The following ZNF541 variants were observed in gnomAD, a reference collection of about 807,000 sequenced individuals.
ZNF541 encodes the protein zinc finger protein 541.
A neutral mutation model predicts 123.5 loss-of-function variants in ZNF541; 23 were observed. The observed-to-expected ratio is 0.19, with a 90% CI of 0.13 to 0.26. ZNF541 has a LOEUF of 0.26. Among genes scored for constraint, ZNF541 ranks in the 10% least tolerant of loss-of-function variants. The pLI is 1.00. For synonymous variants in ZNF541, 751 were observed against 754.5 expected (o/e 1.00, Z 0.08); for missense variants, 1,612 against 1,789.9 (o/e 0.90, Z 1.79).
At chr19:47,547,468 T>C (rs1970403893) in intron 4 of ZNF541, among the ~76,000 whole-genome samples, 1 of 152,174 alleles carries the variant, frequency 6.6e-6, no homozygotes, top group African/African-American at 2.4e-5. Flanking sequence ...TGGACAGTCC[T>C]AGTCGATGTG....
intron 2 of ZNF541, among the ~76,000 whole-genome samples, chr19:47,563,075 C>A (rs1241704313): frequency 6.6e-6 from 1 of 152,122 alleles, no homozygotes; most frequent in East Asian, 1.9e-4. Context: ...TGTAATAGAA[C>A]CTCTGCACCT....
chr19:47,540,956 A>T lies in ZNF541; in HGVS notation c.2404-5T>A. 1 of 1,550,538 alleles carries T rather than the reference A, an allele frequency of 6.4e-7. No individual in the cohort carries two copies. The highest frequency in any genetic ancestry group is 8.7e-7 in the Non-Finnish European group (1 of 1,146,580). ...GAGCCTGTAGATGTTTCCACCCTGA[A>T]GATGAAAATGCATCTGAACCAACAC... On this transcript the variant is annotated splice_polypyrimidine_tract_variant and splice_region_variant and intron_variant, in intron 5 of 16. Coordinates refer to ENST00000391901, the MANE Select transcript of ZNF541 (RefSeq NM_001277075.3).
chr19:47,544,189 G>C lies in ZNF541; in HGVS notation c.2340C>G (p.Phe780Leu). The C allele has an allele frequency of 6.4e-7, 1 of 1,551,794 alleles. No homozygotes were observed. The highest frequency in any genetic ancestry group is 8.7e-7 in the Non-Finnish European group (1 of 1,147,032). ...ASPSQVAMAS[F>L]SSAGPPADPS... is the part of the protein sequence containing the mutation. ...GATCTGCCGGGGGCCCGGCCGATGA[G>C]AAGGAGGCCATGGCTACCTGGCTCG... The change falls in exon 5 of 17, where the codon TTC (phenylalanine) becomes TTG (leucine). Residue 780 changes from phenylalanine to leucine, a missense_variant. Phe to Leu is a conservative substitution (Grantham distance 22, BLOSUM62 0). Coordinates refer to ENST00000391901, the MANE Select transcript of ZNF541 (RefSeq NM_001277075.3).
At position 47,520,977 on chromosome 19, in the gene ZNF541, A is replaced by G. The variant is rs892604037; in HGVS notation, c.*247T>C. ...CTGCTCTAGAAGTGGAAGGGAAAGAAGGGGAGAGACTATGAACCTAAGGAG... is the reference window on the plus strand; with the variant it reads ...CTGCTCTAGAAGTGGAAGGGAAAGAGGGGGAGAGACTATGAACCTAAGGAG... On this transcript the variant is annotated 3_prime_UTR_variant, in exon 17 of 17. Coordinates refer to ENST00000391901, the MANE Select transcript of ZNF541 (RefSeq NM_001277075.3). The G allele has an allele frequency of 2.7e-5, 13 of 485,304 alleles. No individual in the cohort carries two copies. The East Asian group carries it at 4.3e-4, about 16-fold the overall frequency. 30.1% of individuals were successfully genotyped at this position (485,304 alleles called of 1,614,324 possible). A position where few individuals can be genotyped will look rare whatever the true frequency, so the allele number is the denominator to read the frequency against.
At chr19:47,571,419 C>A (rs903899476) in intron 2 of ZNF541, among the ~76,000 whole-genome samples, 1 of 152,212 alleles carries the variant, frequency 6.6e-6, no homozygotes, top group African/African-American at 2.4e-5. Flanking sequence ...TTATTTAATT[C>A]TTAAATTATC....
rs1031189835 is a variant in ZNF541, at chr19:47,544,350, T to A, written c.2179A>T (p.Arg727Trp). Residue 727 changes from arginine to tryptophan, a missense_variant, in exon 5 of 17, where the codon AGG (arginine) becomes TGG (tryptophan). Around this residue, in one of 5 missense-constraint regions of ZNF541, gnomAD observed 1,080 missense variants for 1,013.8 expected, o/e 1.07. Transcript: ENST00000391901. Reference protein sequence around the residue: ...QAPAENGAASRITKGEKGPAC... With the variant: ...QAPAENGAASWITKGEKGPAC... The stretch of plus-strand genomic sequence containing the variant: ...GGGCCCTTTTCACCTTTTGTGATCC[T>A]TGAAGCCGCGCCATTCTCGGCTGGG... 1.9e-6 allele frequency: 3 copies of A among 1,551,654 alleles called. No homozygotes were observed. The highest frequency in any genetic ancestry group is 2.4e-5 in the South Asian group (2 of 84,066).
At position 47,545,953 on chromosome 19, in the gene ZNF541, C is replaced by G. The variant is rs1970339152; in HGVS notation, c.576G>C (p.Lys192Asn). 1 of 1,496,312 alleles carries G rather than the reference C, an allele frequency of 6.7e-7. No homozygotes were observed. The highest frequency in any genetic ancestry group is 9.0e-7 in the Non-Finnish European group (1 of 1,115,640). The allele number at this position is 1,496,312 out of a possible 1,614,324, so 92.7% of individuals were successfully genotyped here. ...HLTGHMLTHQ[K>N]TKPFVCIEQG... ...GCTCGATGCACACGAAGGGCTTTGTCTTCTGGTGGGTGAGCATGTGCCCGG... is the reference window on the plus strand; with the variant it reads ...GCTCGATGCACACGAAGGGCTTTGTGTTCTGGTGGGTGAGCATGTGCCCGG... Residue 192 changes from lysine to asparagine, a missense_variant, in exon 5 of 17, where the codon AAG (lysine) becomes AAC (asparagine). By Grantham distance (94) the Lys-to-Asn change is moderately conservative. Coordinates refer to ENST00000391901, the MANE Select transcript of ZNF541 (RefSeq NM_001277075.3). This position sits in a 1 kb window ranked among gnomAD's most constrained non-coding sequence, Gnocchi z 7.5.
At chr19:47,568,563 C>T (rs553676047) in intron 2 of ZNF541, among the ~76,000 whole-genome samples, 3 of 152,108 alleles carry the variant, frequency 2.0e-5, no homozygotes, top group Non-Finnish European at 2.9e-5. Context: ...AGGCTGGCCT[C>T]GACCTCCTGC....
At chr19:47,573,301 T>C (rs1317974058), upstream of ZNF541, among the ~76,000 whole-genome samples, 4 of 151,872 alleles carry the variant, frequency 2.6e-5, no homozygotes. Flanking sequence ...CGCTCTCGGC[T>C]GCTTCTCCGA....
chr19:47,531,039 C>A (rs893540353), intron 12 of ZNF541, among the ~76,000 whole-genome samples: 2 of 152,122 alleles, frequency 1.3e-5, no homozygotes, highest in African/African-American at 2.4e-5. Flanking sequence ...GTACAGGCAA[C>A]CAGCAGGTAC....
chr19:47,540,442 C>CTT (rs776309064), intron 6 of ZNF541, 107 bp from the exon 7 acceptor site: 1,896 of 943,332 alleles, frequency 2.0e-3, no homozygotes, highest in South Asian at 3.0e-3. Context: ...AATCCACTGA[C>CTT]TTTTTTTTTT....
At chr19:47,528,029 C>T (rs1181350746) in intron 14 of ZNF541, among the ~76,000 whole-genome samples, 1 of 129,884 alleles carries the variant, frequency 7.7e-6, no homozygotes, top group Non-Finnish European at 1.6e-5. Context: ...GAGACAGAGT[C>T]CTGGGCCGGG....
chr19:47,529,123 A>G, intron 13 of ZNF541, 85 bp from the exon 14 acceptor site: 1 of 983,842 alleles, frequency 1.0e-6, no homozygotes, highest in Non-Finnish European at 1.5e-6. Flanking sequence ...CTTCCCATTT[A>G]TAGCTGCCAT....
intron 2 of ZNF541, among the ~76,000 whole-genome samples, chr19:47,565,948 G>T (rs1401354155): frequency 6.6e-6 from 1 of 152,182 alleles, no homozygotes; most frequent in Non-Finnish European, 1.5e-5. Context: ...AAGCTGAGGT[G>T]TGCGGATCAC....
intron 14 of ZNF541, among the ~76,000 whole-genome samples, chr19:47,524,365 C>A (rs1969186043): frequency 6.6e-6 from 1 of 152,082 alleles, no homozygotes; most frequent in Admixed American, 6.6e-5. Context: ...TTAGAATGAG[C>A]AGGGAAGGAC....
At chr19:47,556,006 TG>T in intron 2 of ZNF541, 52 bp from the exon 3 acceptor site, 1 of 832,218 alleles carries the variant, frequency 1.2e-6, no homozygotes, top group South Asian at 1.8e-5. Context: ...AACAGCATTG[TG>T]GGCAGAGCAC....
At chr19:47,548,977 G>C (rs932513296) in intron 4 of ZNF541, among the ~76,000 whole-genome samples, 11 of 151,884 alleles carry the variant, frequency 7.2e-5, no homozygotes, top group Non-Finnish European at 1.5e-4. Flanking sequence ...TACTCAGGAG[G>C]CTGAGGCAGG....
Position 47,545,932 on chromosome 19 carries a change from G to A in ZNF541, c.597C>T (p.Ile199=), listed in dbSNP as rs1316538643. ...THQKTKPFVC[I]EQGCSKSYCD... is the part of the protein sequence containing the mutation. ...AGTAGCTCTTGCTGCAGCCCTGCTC[G>A]ATGCACACGAAGGGCTTTGTCTTCT... Residue 199 remains isoleucine, a synonymous_variant, in exon 5 of 17, where the codon ATC becomes ATT. Transcript: ENST00000391901. This position sits in a 1 kb window ranked among gnomAD's most constrained non-coding sequence, Gnocchi z 7.5. 6.6e-7 allele frequency: 1 copy of A among 1,520,194 alleles called. No homozygotes were observed. Among genetic ancestry groups the A allele is most frequent in the Non-Finnish European group, 8.9e-7 (1 of 1,129,136 alleles). The allele number at this position is 1,520,194 out of a possible 1,614,324, so 94.2% of individuals were successfully genotyped here.
In ZNF541 at chr19:47,545,190, A is replaced by T. The variant is rs1159789511; in HGVS notation, c.1339T>A (p.Ser447Thr). 3 of 1,515,922 alleles carry T rather than the reference A, an allele frequency of 2.0e-6. No homozygotes were observed. Among genetic ancestry groups the T allele is most frequent in the Non-Finnish European group, 2.7e-6 (3 of 1,129,908 alleles). 93.9% of individuals were successfully genotyped at this position (1,515,922 alleles called of 1,614,324 possible). The stretch of plus-strand genomic sequence containing the variant: ...CTTCCGCTGCTGGGTCCCGGGCCAG[A>T]CTCGGAGCCCTCCCGCGAGGGCACG... ...SAVPSREGSE[S>T]GPGPSSGSPS... is the part of the protein sequence containing the mutation. The change falls in exon 5 of 17, where the codon TCT becomes ACT. Residue 447 changes from serine to threonine, a missense_variant. Ser to Thr is a moderately conservative substitution (Grantham distance 58, BLOSUM62 1). Coordinates refer to ENST00000391901, the MANE Select transcript of ZNF541 (RefSeq NM_001277075.3). This position sits in a 1 kb window ranked among gnomAD's most constrained non-coding sequence, Gnocchi z 7.5.
Sources: gnomAD v4.1 joint callset for allele counts (sites outside exome capture counted in the v4.1 genomes callset) on GRCh38, gnomAD v4.1.1 for gene constraint, gnomAD v4.1.1 regional missense constraint, Gnocchi (gnomAD v3.1) non-coding constraint, MANE v1.5 for transcripts, NCBI Gene and HGNC (gene_info 2026-07-23, HGNC 2026-07-21) for gene names.